DENND4C: variants seen among roughly 807,000 people sequenced by gnomAD.
DENND4C encodes the protein DENN domain-containing protein 4C.
In DENND4C, 108 loss-of-function variants were observed where a neutral mutation model predicts 203.0. The ratio of observed to expected loss-of-function variants is 0.53; its 90% CI spans 0.46 to 0.62. The LOEUF is 0.62. Ranked by LOEUF, DENND4C falls within the 20% of genes least tolerant of loss-of-function variation. DENND4C has a pLI of 0.00. For synonymous variants in DENND4C, 871 were observed against 792.4 expected, an observed-to-expected ratio of 1.10 and a Z score of -1.67; for missense variants, 2,481 against 2,301.2, an observed-to-expected ratio of 1.08 and a Z score of -1.60.
chr9:19,333,450 T>G (rs1819735184), intron 17 of DENND4C, among the ~76,000 whole-genome samples: 1 of 152,188 alleles, frequency 6.6e-6, no homozygotes. Context: ...GTAGGATGTT[T>G]AGTAGCATCC....
chr9:19,266,631 A>G (rs2130757122), intron 1 of DENND4C, among the ~76,000 whole-genome samples: 1 of 152,328 alleles, frequency 6.6e-6, no homozygotes, highest in African/African-American at 2.4e-5. Context: ...AAACAGAGAT[A>G]TAGACCAATG....
At position 19,373,085 on chromosome 9, in the gene DENND4C, TGAC is replaced by T. The variant is rs1163703859; in HGVS notation, c.*913_*915del. The T allele has an allele frequency of 6.6e-6, 1 of 152,198 alleles. No homozygotes were observed. The highest frequency in any genetic ancestry group is 1.5e-5 in the Non-Finnish European group (1 of 68,032). 9.4% of individuals were successfully genotyped at this position (152,198 alleles called of 1,614,324 possible). A position where few individuals can be genotyped will look rare whatever the true frequency, so the allele number is the denominator to read the frequency against. ...ATCTTAAAATTACCTGAAAATCTGA[TGAC>T]AGCTGCCTTCCCTAACTTTAATGTA... On this transcript the variant is annotated 3_prime_UTR_variant, in exon 33 of 33. Coordinates refer to ENST00000434457, the MANE Select transcript of DENND4C (RefSeq NM_001330640.2).
rs1828985793 is a variant in DENND4C, at chr9:19,372,311, T to C, written c.*138T>C. 2 of 1,031,826 alleles carry C rather than the reference T, an allele frequency of 1.9e-6. No homozygotes were observed. The highest frequency in any genetic ancestry group is 2.8e-6 in the Non-Finnish European group (2 of 720,610). 63.9% of individuals were successfully genotyped at this position (1,031,826 alleles called of 1,614,324 possible). A position where few individuals can be genotyped will look rare whatever the true frequency, so the allele number is the denominator to read the frequency against. On this transcript the variant is annotated 3_prime_UTR_variant, in exon 33 of 33. Coordinates refer to ENST00000434457, the MANE Select transcript of DENND4C (RefSeq NM_001330640.2). ...ACTCTTGGGGACAATATATAATGAA[T>C]TATGATTCATATTGCATTACCTTGA...
chr9:19,332,653 C>T (rs1288690483), intron 17 of DENND4C, among the ~76,000 whole-genome samples: 1 of 150,320 alleles, frequency 6.7e-6, no homozygotes, highest in East Asian at 2.0e-4. Flanking sequence ...TGAGCCATCA[C>T]ATCCGGCCAT....
At chr9:19,245,464 C>T (rs554529759) in intron 1 of DENND4C, among the ~76,000 whole-genome samples, 2,900 of 9,228 alleles carry the variant, frequency 0.31, 117 homozygotes, top group African/African-American at 0.42. Flanking sequence ...AAGACTCAGT[C>T]TCAAAAAAAA....
At position 19,346,933 on chromosome 9, in the gene DENND4C, T is replaced by G. The variant is rs1588964152; in HGVS notation, c.4164T>G (p.Gly1388=). 6.2e-7 allele frequency: 1 copy of G among 1,614,154 alleles called. No homozygotes were observed. Among genetic ancestry groups the G allele is most frequent in the Non-Finnish European group, 8.5e-7 (1 of 1,180,022 alleles). The change falls in exon 23 of 33, where the codon GGT becomes GGG. Residue 1388 remains glycine, a synonymous_variant. Transcript: ENST00000434457. The part of the protein sequence containing the change: ...LVRSSPHGSL[G]SVVNSLSGLK... ...GTTCTTCGCCACATGGCTCGTTGGG[T>G]TCTGTAGTAAATTCTTTGTCAGGGC... is the stretch of plus-strand genomic sequence containing the variant.
intron 30 of DENND4C, among the ~76,000 whole-genome samples, chr9:19,366,508 G>A (rs556795532): frequency 3.6e-4 from 55 of 152,296 alleles, no homozygotes; most frequent in African/African-American, 1.2e-3. Flanking sequence ...GGAGGCTGAG[G>A]CAGGAGAATG....
At chr9:19,236,764 C>G (rs552317646) in intron 1 of DENND4C, among the ~76,000 whole-genome samples, 6 of 152,272 alleles carry the variant, frequency 3.9e-5, no homozygotes, top group African/African-American at 1.4e-4. Flanking sequence ...GTCGCTTTAG[C>G]CTTATCTTCT....
chr9:19,315,442 G>T (rs1265166617), intron 10 of DENND4C, among the ~76,000 whole-genome samples: 1 of 150,420 alleles, frequency 6.6e-6, no homozygotes. Flanking sequence ...GTAAGAAGAG[G>T]GCTTTTTAGG....
rs1554717864 is a variant in DENND4C at position 19,282,715 on chromosome 9, C to CTTTTTTTTTTTTTTTTTTTT, written c.306-4035_306-4034insTTTTTTTTTTTTTTTTTTTT. 3.9e-4 allele frequency among the ~76,000 whole-genome samples: 34 copies of CTTTTTTTTTTTTTTTTTTTT among 86,658 alleles called. 1 individual carries two copies. Among genetic ancestry groups the CTTTTTTTTTTTTTTTTTTTT allele is most frequent in the African/African-American group, 1.5e-3 (33 of 22,622 alleles). The allele number at this position is 86,658 out of a possible 152,430, so 56.9% of individuals were successfully genotyped here. A position where few individuals can be genotyped will look rare whatever the true frequency, so the allele number is the denominator to read the frequency against. On this transcript the variant is annotated intron_variant, in intron 2 of 32. Transcript: ENST00000434457. ...TTTTCTTTTTCTTTTTTTCTTCTCT[C>CTTTTTTTTTTTTTTTTTTTT]TTTTTTTTTTTTTTTTTTTGAGACA...
At position 19,346,967 on chromosome 9, in the gene DENND4C, G is replaced by C. The variant is rs1169141017; in HGVS notation, c.4198G>C (p.Asp1400His). The change falls in exon 23 of 33, where the codon GAT (aspartate) becomes CAT (histidine). Residue 1400 changes from aspartate (D) to histidine (H), a missense_variant. Physicochemically the swap from Asp to His is moderately conservative, Grantham distance 81 (BLOSUM62 -1). Around this residue, in one of 3 missense-constraint regions of DENND4C, gnomAD observed 2,289 missense variants for 2,113.3 expected, o/e 1.08. Transcript: ENST00000434457. ...VVNSLSGLKL[D>H]NILSGPKIDV... is the part of the protein sequence containing the mutation. ...AAATTCTTTGTCAGGGCTAAAGCTGGATAATATACTCTCAGGGCCCAAGAT... is the reference window on the plus strand; with the variant it reads ...AAATTCTTTGTCAGGGCTAAAGCTGCATAATATACTCTCAGGGCCCAAGAT... 2.5e-6 allele frequency: 4 copies of C among 1,613,990 alleles called. No individual in the cohort carries two copies. Among genetic ancestry groups the C allele is most frequent in the Non-Finnish European group, 2.5e-6 (3 of 1,180,012 alleles).
chr9:19,309,170 C>T (rs535213669), intron 10 of DENND4C, among the ~76,000 whole-genome samples: 2 of 152,212 alleles, frequency 1.3e-5, no homozygotes, highest in Admixed American at 6.5e-5. Context: ...CGCCTGTAAT[C>T]CCAGTACTTT....
At chr9:19,336,533 A>C in intron 19 of DENND4C, 119 bp downstream of exon 19, 1 of 1,440,106 alleles carries the variant, frequency 6.9e-7, no homozygotes, top group Non-Finnish European at 9.2e-7. Flanking sequence ...ACATACATTT[A>C]AAGACAGATT....
At chr9:19,283,378 G>C (rs570931446) in intron 2 of DENND4C, among the ~76,000 whole-genome samples, 2 of 152,104 alleles carry the variant, frequency 1.3e-5, no homozygotes, top group East Asian at 1.9e-4. Flanking sequence ...GCCTGAGACT[G>C]TTTTACAGTT....
intron 1 of DENND4C, among the ~76,000 whole-genome samples, chr9:19,256,891 A>G (rs1298110920): frequency 2.0e-5 from 3 of 152,060 alleles, no homozygotes; most frequent in African/African-American, 7.2e-5. Flanking sequence ...TAACATGGTG[A>G]AACCCTGTTG....
intron 30 of DENND4C, among the ~76,000 whole-genome samples, chr9:19,368,915 G>A (rs570725272): frequency 6.6e-6 from 1 of 152,160 alleles, no homozygotes; most frequent in Non-Finnish European, 1.5e-5. Context: ...GATTTGGGAG[G>A]CTGAGGCAGG....
chr9:19,365,634 C>CTA (rs925557354), intron 30 of DENND4C, among the ~76,000 whole-genome samples: 2 of 150,208 alleles, frequency 1.3e-5, no homozygotes, highest in African/African-American at 2.4e-5. Flanking sequence ...TTTATTTTTT[C>CTA]TATATATATA....
At chr9:19,355,838 TC>T (rs1182580513) in intron 26 of DENND4C, among the ~76,000 whole-genome samples, 2 of 152,200 alleles carry the variant, frequency 1.3e-5, no homozygotes, top group Non-Finnish European at 2.9e-5. Flanking sequence ...AATTGACTTT[TC>T]TATTATTATT....
At chr9:19,324,576 A>T in intron 13 of DENND4C, 69 bp downstream of exon 13, 1 of 1,486,030 alleles carries the variant, frequency 6.7e-7, no homozygotes, top group Non-Finnish European at 9.2e-7. Context: ...TATCATTGTT[A>T]TTGTTAGTCT....
Sources: gnomAD v4.1 joint callset for allele counts (sites outside exome capture counted in the v4.1 genomes callset) on GRCh38, gnomAD v4.1.1 for gene constraint, gnomAD v4.1.1 regional missense constraint, MANE v1.5 for transcripts, NCBI Gene and HGNC (gene_info 2026-07-23, HGNC 2026-07-21) for gene names.